The following KLHL29 variants were observed in gnomAD, a reference collection of about 807,000 sequenced individuals.
KLHL29 encodes the protein kelch like family member 29.
A neutral mutation model predicts 80.4 loss-of-function variants in KLHL29; 21 were observed. That is an observed-to-expected ratio of 0.26 (90% confidence interval 0.19 to 0.38). The LOEUF is 0.38. KLHL29 is among the 10% of genes least tolerant of loss of function. The pLI, the probability that KLHL29 is intolerant of heterozygous loss-of-function variation, is 1.00. For missense variants in KLHL29, 867 were observed against 1,223.9 expected, an observed-to-expected ratio of 0.71 and a Z score of 4.35; for synonymous variants, 511 against 526.8, an observed-to-expected ratio of 0.97 and a Z score of 0.41.
intron 5 of KLHL29, among the ~76,000 whole-genome samples, chr2:23,645,533 T>C (rs1002053575): frequency 6.6e-6 from 1 of 152,214 alleles, no homozygotes; most frequent in African/African-American, 2.4e-5. Context: ...AGATCCACCA[T>C]GCAATGCCTT....
At chr2:23,534,367 G>A (rs1286469549) in intron 2 of KLHL29, among the ~76,000 whole-genome samples, 2 of 152,062 alleles carry the variant, frequency 1.3e-5, no homozygotes, top group African/African-American at 4.8e-5. Flanking sequence ...CATTTAATAA[G>A]TGATGGTTAT....
chr2:23,698,141 G>T (rs1672094780), intron 11 of KLHL29, among the ~76,000 whole-genome samples: 1 of 152,186 alleles, frequency 6.6e-6, no homozygotes, highest in African/African-American at 2.4e-5. Context: ...CCTTCCCTGG[G>T]GGGCAAGGCC....
At chr2:23,643,208 C>T in intron 5 of KLHL29, 1 of 438,178 alleles carries the variant, frequency 2.3e-6, no homozygotes, top group Non-Finnish European at 4.3e-6. Flanking sequence ...TCATCCACTC[C>T]TCTCAGGGCA....
chr2:23,490,936 A>AT lies in KLHL29; in HGVS notation c.-46+15278dup, dbSNP rs200594689. ...AGCCCTCTTTCCTTCTTTACATCAG[A>AT]TTTTTTTTTACCTAATATGATTTTT... On this transcript the variant is annotated intron_variant, in intron 2 of 13. Transcript: ENST00000486442. Among the ~76,000 whole-genome samples, 153 of 151,300 alleles carry AT rather than the reference A, an allele frequency of 1.0e-3. 1 individual carries two copies. The highest frequency in any genetic ancestry group is 2.9e-3 in the African/African-American group (119 of 41,198).
chr2:23,585,803 G>A (rs894589493), intron 3 of KLHL29, among the ~76,000 whole-genome samples: 3 of 152,140 alleles, frequency 2.0e-5, no homozygotes, highest in Non-Finnish European at 2.9e-5. Flanking sequence ...CCCACCAGCC[G>A]CCCTCCCAGA....
At chr2:23,574,119 G>A (rs1287793574) in intron 3 of KLHL29, among the ~76,000 whole-genome samples, 1 of 152,176 alleles carries the variant, frequency 6.6e-6, no homozygotes, top group Non-Finnish European at 1.5e-5. Context: ...GGGCAGAGCA[G>A]CCACGATTTG....
intron 2 of KLHL29, among the ~76,000 whole-genome samples, chr2:23,533,258 G>C (rs1204600771): frequency 6.6e-6 from 1 of 152,170 alleles, no homozygotes; most frequent in Non-Finnish European, 1.5e-5. Context: ...CTTCTGATGT[G>C]GCTGCTTGTG....
rs150718466 is a variant in KLHL29 at position 23,395,989 on chromosome 2, C to T, written c.-154+10209C>T. ...AAAAACCCAAAACCTGATTCTTCAC[C>T]GCAGGTAGGCGTAGAGAACTGCCTG... On this transcript the variant is annotated intron_variant, in intron 1 of 13. Coordinates refer to ENST00000486442, the MANE Select transcript of KLHL29 (RefSeq NM_052920.2). Among the ~76,000 whole-genome samples the T allele has an allele frequency of 8.5e-5, 13 of 152,300 alleles. No individual in the cohort carries two copies. In the East Asian group the frequency reaches 9.7e-4, roughly 11 times the overall value.
intron 6 of KLHL29, chr2:23,691,288 A>C: frequency 3.7e-6 from 1 of 268,562 alleles, no homozygotes; most frequent in Non-Finnish European, 7.2e-6. Flanking sequence ...CTGCCACCCA[A>C]GGCAGGCAGG....
intron 2 of KLHL29, among the ~76,000 whole-genome samples, chr2:23,526,719 G>A (rs1394484390): frequency 6.6e-6 from 1 of 152,160 alleles, no homozygotes; most frequent in Non-Finnish European, 1.5e-5. Context: ...GGGTGAGCTG[G>A]GGTTGGCTCC....
intron 1 of KLHL29, among the ~76,000 whole-genome samples, chr2:23,441,842 A>C (rs1663534390): frequency 6.6e-6 from 1 of 152,204 alleles, no homozygotes; most frequent in African/African-American, 2.4e-5. Flanking sequence ...CTAAGAGAAC[A>C]AGCCCCACTG....
intron 2 of KLHL29, among the ~76,000 whole-genome samples, chr2:23,529,642 G>A (rs1361275700): frequency 6.8e-6 from 1 of 147,934 alleles, no homozygotes; most frequent in African/African-American, 2.5e-5. Flanking sequence ...TGAGCATACC[G>A]AAGAGGCGAG....
chr2:23,577,676 A>T (rs1237180979), intron 3 of KLHL29, among the ~76,000 whole-genome samples: 1 of 151,582 alleles, frequency 6.6e-6, no homozygotes, highest in Non-Finnish European at 1.5e-5. Context: ...TGAACCTGGG[A>T]GGCAGAGGTT....
chr2:23,525,436 T>C (rs1387985878), intron 2 of KLHL29, among the ~76,000 whole-genome samples: 2 of 152,232 alleles, frequency 1.3e-5, no homozygotes, highest in Non-Finnish European at 2.9e-5. Flanking sequence ...GGAGAATGTC[T>C]GTGTACCCAG....
At chr2:23,584,448 T>G (rs1668067308) in intron 3 of KLHL29, among the ~76,000 whole-genome samples, 1 of 152,246 alleles carries the variant, frequency 6.6e-6, no homozygotes, top group Admixed American at 6.5e-5. Context: ...TTGGAAAGTA[T>G]TGGCTCTGCC....
intron 2 of KLHL29, among the ~76,000 whole-genome samples, chr2:23,496,673 T>C (rs1665274660): frequency 6.6e-6 from 1 of 152,198 alleles, no homozygotes; most frequent in Non-Finnish European, 1.5e-5. Flanking sequence ...AGAGCTGCCC[T>C]AGGGGGCCCA....
At chr2:23,632,105 G>A (rs1669483494) in intron 3 of KLHL29, among the ~76,000 whole-genome samples, 1 of 152,200 alleles carries the variant, frequency 6.6e-6, no homozygotes, top group Non-Finnish European at 1.5e-5. Flanking sequence ...AAGTCTTCCA[G>A]ATGCTGCTTT....
At position 23,386,988 on chromosome 2, in the gene KLHL29, C is replaced by A. The variant is rs556718438; in HGVS notation, c.-154+1208C>A. ...GTGGAACCAAGCGGCAGACGCGGTC[C>A]GTTGGCGGGCCCTCGCGCGGGCCCC... On this transcript the variant is annotated intron_variant, in intron 1 of 13. Coordinates refer to ENST00000486442, the MANE Select transcript of KLHL29 (RefSeq NM_052920.2). Among the ~76,000 whole-genome samples, 437 of 152,208 alleles carry A rather than the reference C, an allele frequency of 2.9e-3. 1 individual carries two copies. Among genetic ancestry groups the A allele is most frequent in the Non-Finnish European group, 5.5e-3 (377 of 67,998 alleles).
At chr2:23,536,122 A>T (rs571201189) in intron 2 of KLHL29, among the ~76,000 whole-genome samples, 14 of 152,176 alleles carry the variant, frequency 9.2e-5, no homozygotes, top group Non-Finnish European at 1.6e-4. Flanking sequence ...AGCGACAGGT[A>T]TCCTTCCTAA....
Sources: gnomAD v4.1 joint callset for allele counts (sites outside exome capture counted in the v4.1 genomes callset) on GRCh38, gnomAD v4.1.1 for gene constraint, MANE v1.5 for transcripts, NCBI Gene and HGNC (gene_info 2026-07-23, HGNC 2026-07-21) for gene names.